The following SUV39H1 variants were observed in gnomAD, a reference collection of about 807,000 sequenced individuals.
SUV39H1 encodes the protein SUV39H1 histone lysine methyltransferase.
For missense variants in SUV39H1, 180 were observed against 386.3 expected, an observed-to-expected ratio of 0.47 and a Z score of 4.48; for synonymous variants, 141 against 150.5, an observed-to-expected ratio of 0.94 and a Z score of 0.46.
At chrX:48,702,413 C>G (rs2062477779) in intron 3 of SUV39H1, among the ~76,000 whole-genome samples, 1 of 111,451 alleles carries the variant, frequency 9.0e-6, no homozygotes, top group Admixed American at 9.4e-5. Context: ...GCCTGGAGAT[C>G]TAGTCTACAC....
intron 2 of SUV39H1, 44 bp downstream of exon 2, chrX:48,699,091 G>A (rs1557009060): frequency 3.4e-6 from 4 of 1,162,957 alleles, no homozygotes; most frequent in Admixed American, 4.8e-5. Context: ...CAGGTCACAA[G>A]GAAGTTAGTG....
chrX:48,700,964 C>A, intron 3 of SUV39H1: 1 of 494,556 alleles, frequency 2.0e-6, no homozygotes, highest in Non-Finnish European at 3.6e-6. Context: ...GTTACAGGAA[C>A]ACCAAAATAC....
rs146200182 is a variant in SUV39H1, at chrX:48,707,514, C to T, written c.1183C>T (p.Arg395Trp). The T allele has an allele frequency of 1.3e-5, 16 of 1,209,335 alleles. No homozygotes were observed. Among genetic ancestry groups the T allele is most frequent in the African/African-American group, 1.8e-5 (1 of 56,958 alleles). The change falls in exon 6 of 6, where the codon CGG becomes TGG. Residue 395 changes from arginine (R) to tryptophan (W), a missense_variant. Coordinates refer to ENST00000376687, the MANE Select transcript of SUV39H1 (RefSeq NM_003173.4). ...TGGGCTCCCTGGCTCCCCTAAGAAG[C>T]GGGTCCGTATTGAATGCAAGTGTGG... is the stretch of plus-strand genomic sequence containing the variant. ...LAGLPGSPKKRVRIECKCGTE... is the reference protein window; with the variant it reads ...LAGLPGSPKKWVRIECKCGTE...
intron 3 of SUV39H1, among the ~76,000 whole-genome samples, chrX:48,704,171 C>G (rs2062483676): frequency 9.0e-6 from 1 of 111,369 alleles, no homozygotes; most frequent in Non-Finnish European, 1.9e-5. Context: ...ACAGGCCCAT[C>G]TGTTCCCAAG....
At chrX:48,696,003 C>A, upstream of SUV39H1, 1 of 931,421 alleles carries the variant, frequency 1.1e-6, no homozygotes, top group Non-Finnish European at 1.5e-6. Context: ...CTGATAGTGC[C>A]CGACAGGGCT....
At chrX:48,707,351 CTCCTTCCCT>C in intron 5 of SUV39H1, 77 bp from the exon 6 acceptor site, 1 of 1,019,724 alleles carries the variant, frequency 9.8e-7, no homozygotes, top group Non-Finnish European at 1.3e-6. Context: ...AGTCCCCTGC[CTCCTTCCCT>C]ACCTTCCTCC....
In SUV39H1 at chrX:48,707,521, G is replaced by A. The variant is rs1557010353; in HGVS notation, c.1190G>A (p.Arg397His). 6.6e-6 allele frequency: 8 copies of A among 1,211,590 alleles called. No individual in the cohort carries two copies. Among genetic ancestry groups the A allele is most frequent in the Non-Finnish European group, 8.9e-6 (8 of 895,342 alleles). ...CCTGGCTCCCCTAAGAAGCGGGTCC[G>A]TATTGAATGCAAGTGTGGGACTGAG... ...GLPGSPKKRV[R>H]IECKCGTESC... Residue 397 changes from arginine to histidine, a missense_variant, in exon 6 of 6, where the codon CGT becomes CAT. Physicochemically the swap from Arg to His is conservative, Grantham distance 29 (BLOSUM62 0). Transcript: ENST00000376687.
At chrX:48,704,277 C>T (rs1264870616) in intron 3 of SUV39H1, among the ~76,000 whole-genome samples, 1 of 111,771 alleles carries the variant, frequency 8.9e-6, no homozygotes, top group African/African-American at 3.3e-5. Flanking sequence ...CAGTATGACT[C>T]ACTCCTGGTG....
chrX:48,705,800 C>T (rs2062488995), intron 3 of SUV39H1, among the ~76,000 whole-genome samples: 1 of 112,090 alleles, frequency 8.9e-6, no homozygotes, highest in Non-Finnish European at 1.9e-5. Context: ...CCTCTCTCCA[C>T]GCCCTCCCTG....
intron 2 of SUV39H1, among the ~76,000 whole-genome samples, chrX:48,699,565 C>T (rs1164965428): frequency 9.0e-6 from 1 of 111,723 alleles, no homozygotes; most frequent in Non-Finnish European, 1.9e-5. Context: ...AGAGGGATAA[C>T]TAGGAGCATC....
At position 48,700,770 on chromosome X, in the gene SUV39H1, CG is replaced by C; in HGVS notation, c.828+19del. The C allele has an allele frequency of 4.2e-6, 5 of 1,202,171 alleles. No homozygotes were observed. Among genetic ancestry groups the C allele is most frequent in the Non-Finnish European group, 5.6e-6 (5 of 890,196 alleles). On this transcript the variant is annotated intron_variant, in intron 3 of 5. Coordinates refer to ENST00000376687, the MANE Select transcript of SUV39H1 (RefSeq NM_003173.4). ...GTGGGAGAGGTAGGGAGATGGGACCCGGTGTGTGTGTGCAGCTCTTCCCACC... is the reference window on the plus strand; with the variant it reads ...GTGGGAGAGGTAGGGAGATGGGACCCGTGTGTGTGTGCAGCTCTTCCCACC...
At chrX:48,700,837 C>A in intron 3 of SUV39H1, 84 bp downstream of exon 3, 1 of 1,062,504 alleles carries the variant, frequency 9.4e-7, no homozygotes, top group Non-Finnish European at 1.3e-6. Context: ...CACTGTGTGT[C>A]TGAAACTCCC....
chrX:48,697,472 C>T (rs1228332864), intron 1 of SUV39H1, among the ~76,000 whole-genome samples: 1 of 111,060 alleles, frequency 9.0e-6, no homozygotes, highest in Admixed American at 9.5e-5. Context: ...TGGCCAGTTC[C>T]GGAGCCAGCA....
At chrX:48,705,163 G>A in intron 3 of SUV39H1, 1 of 112,415 alleles carries the variant, frequency 8.9e-6, no homozygotes, top group Non-Finnish European at 1.9e-5. Context: ...ACATGAGGGT[G>A]AGCAAGGAAG....
At position 48,700,265 on chromosome X, in the gene SUV39H1, T is replaced by C. The variant is rs782091146; in HGVS notation, c.340T>C (p.Leu114=). Residue 114 remains leucine, a synonymous_variant, in exon 3 of 6, where the codon TTG becomes CTG. Transcript: ENST00000376687. Reference sequence around the variant, plus strand: ...GACCCCCCGGCACCTGGACCCAAGCTTGGCCAACTACCTGGTGCAGAAGGC... The same window carrying C: ...GACCCCCCGGCACCTGGACCCAAGCCTGGCCAACTACCTGGTGCAGAAGGC... ...SKTPRHLDPS[L]ANYLVQKAKQ... 2.5e-6 allele frequency: 3 copies of C among 1,207,272 alleles called. No homozygotes were observed. In the African/African-American group the frequency reaches 5.2e-5, roughly 21 times the overall value.
At chrX:48,695,672 T>C (rs1602182651), upstream of SUV39H1, 1 of 1,115,164 alleles carries the variant, frequency 9.0e-7, no homozygotes, top group Non-Finnish European at 1.2e-6. Flanking sequence ...ACTGACGATG[T>C]GATGAGGGGC....
At position 48,704,988 on chromosome X, in the gene SUV39H1, G is replaced by A. The variant is rs187818315; in HGVS notation, c.829-1277G>A. On this transcript the variant is annotated intron_variant, in intron 3 of 5. Coordinates refer to ENST00000376687, the MANE Select transcript of SUV39H1 (RefSeq NM_003173.4). ...GAACAGAACTGGAGCACGGGGCAGT[G>A]GGTAGTGTGGCCCGAGGCAGGGTAA... is the stretch of plus-strand genomic sequence containing the variant. Among the ~76,000 whole-genome samples the A allele has an allele frequency of 2.7e-5, 3 of 112,485 alleles. No homozygotes were observed. In the East Asian group the frequency reaches 8.4e-4, roughly 32 times the overall value.
At chrX:48,704,100 G>A (rs962814505) in intron 3 of SUV39H1, among the ~76,000 whole-genome samples, 1 of 110,048 alleles carries the variant, frequency 9.1e-6, no homozygotes, top group Admixed American at 9.7e-5. Flanking sequence ...GCACCCTCTC[G>A]GAACTGCCAG....
intron 3 of SUV39H1, chrX:48,701,035 C>T: frequency 2.4e-6 from 1 of 408,855 alleles, no homozygotes. Context: ...GAGCTGAGAT[C>T]CAGGCAGCCT....
Sources: gnomAD v4.1 joint callset for allele counts (sites outside exome capture counted in the v4.1 genomes callset) on GRCh38, gnomAD v4.1.1 for gene constraint, MANE v1.5 for transcripts, NCBI Gene and HGNC (gene_info 2026-07-23, HGNC 2026-07-21) for gene names.